The following VSIG10 variants were observed in gnomAD, a reference collection of about 807,000 sequenced individuals.
The protein encoded by VSIG10 is V-set and immunoglobulin domain-containing protein 10.
A neutral mutation model predicts 58.7 loss-of-function variants in VSIG10; 48 were observed. That is an observed-to-expected ratio of 0.82 (90% CI 0.65 to 1.04). VSIG10 has a LOEUF of 1.04. VSIG10 is among the 50% of genes least tolerant of loss of function. The pLI, the probability that VSIG10 is intolerant of heterozygous loss-of-function variation, is 0.00. For synonymous variants in VSIG10, 260 were observed against 267.1 expected (o/e 0.97, Z 0.26); for missense variants, 628 against 670.0 (o/e 0.94, Z 0.69).
chr12:118,087,801 G>A lies in VSIG10; in HGVS notation c.362-5372C>T, dbSNP rs936649860. Among the ~76,000 whole-genome samples the A allele has an allele frequency of 9.1e-5, 12 of 131,360 alleles. No homozygotes were observed. The Admixed American group carries it at 1.1e-3, about 12-fold the overall frequency. 86.2% of individuals were successfully genotyped at this position (131,360 alleles called of 152,430 possible). A position where few individuals can be genotyped will look rare whatever the true frequency, so the allele number is the denominator to read the frequency against. ...TGTAGTGAGCCGAAATCACACCACT[G>A]CACTCCAGCCTGGGTGACAGAGTGA... On this transcript the variant is annotated intron_variant, in intron 2 of 8. Coordinates refer to ENST00000359236, the MANE Select transcript of VSIG10 (RefSeq NM_019086.6).
At chr12:118,079,771 C>T (rs1182057423) in intron 3 of VSIG10, among the ~76,000 whole-genome samples, 165 bp from the exon 4 acceptor site, 1 of 152,210 alleles carries the variant, frequency 6.6e-6, no homozygotes, top group Non-Finnish European at 1.5e-5. Flanking sequence ...AACAGTCAGG[C>T]TTCCTCTGTT....
At chr12:118,067,459 C>T (rs1593486020) in intron 8 of VSIG10, among the ~76,000 whole-genome samples, 1 of 144,902 alleles carries the variant, frequency 6.9e-6, no homozygotes, top group African/African-American at 2.6e-5. Context: ...TTCCCCTAAA[C>T]TGGCCTTTTT....
rs183310740 is a variant in VSIG10, at chr12:118,069,574, C to T, written c.1347-977G>A. 3.9e-5 allele frequency among the ~76,000 whole-genome samples: 6 copies of T among 151,990 alleles called. No homozygotes were observed. In the South Asian group the frequency reaches 1.0e-3, roughly 26 times the overall value. ...CCAAGCAGCTGGGATTACAGGCATG[C>T]GCCACTACATGCGGCTAATTTTTTG... On this transcript the variant is annotated intron_variant, in intron 7 of 8. Transcript: ENST00000359236.
chr12:118,089,071 C>T (rs966410177), intron 2 of VSIG10, among the ~76,000 whole-genome samples: 16 of 151,972 alleles, frequency 1.1e-4, no homozygotes, highest in South Asian at 2.1e-4. Flanking sequence ...GTGTCAGCCT[C>T]CCACGCATCT....
At chr12:118,097,623 G>GAAAC (rs1030632988) in intron 1 of VSIG10, among the ~76,000 whole-genome samples, 5 of 150,164 alleles carry the variant, frequency 3.3e-5, no homozygotes, top group Admixed American at 1.3e-4. Context: ...TCAAAAACAA[G>GAAAC]AAACAAACAA....
rs540704008 is a variant in VSIG10 at position 118,068,552 on chromosome 12, C to A, written c.1392G>T (p.Glu464Asp). Residue 464 changes from glutamate (E) to aspartate (D), a missense_variant, in exon 8 of 9, where the codon GAG becomes GAT. Glu to Asp is a conservative substitution (Grantham distance 45). Coordinates refer to ENST00000359236, the MANE Select transcript of VSIG10 (RefSeq NM_019086.6). ...DDVMVLVDSE[E>D]EEEEEEEEEE... Reference sequence around the variant, plus strand: ...CCTCCTCCTCCTCCTCCTCCTCTTCCTCTTCTGAATCCACCAAAACCATGA... The same window carrying A: ...CCTCCTCCTCCTCCTCCTCCTCTTCATCTTCTGAATCCACCAAAACCATGA... 1 of 1,583,868 alleles carries A rather than the reference C, an allele frequency of 6.3e-7. No individual in the cohort carries two copies. The highest frequency in any genetic ancestry group is 1.4e-5 in the African/African-American group (1 of 73,288).
intron 4 of VSIG10, among the ~76,000 whole-genome samples, chr12:118,077,830 C>T (rs966133521): frequency 2.0e-5 from 3 of 152,180 alleles, no homozygotes; most frequent in African/African-American, 7.2e-5. Context: ...GTAGATCTTT[C>T]AGATGATTTC....
At position 118,103,868 on chromosome 12, in the gene VSIG10, C is replaced by T. The variant is rs73412903; in HGVS notation, c.-197G>A. 1.1e-3 allele frequency: 501 copies of T among 468,026 alleles called. 1 individual carries two copies. Among genetic ancestry groups the T allele is most frequent in the African/African-American group, 9.6e-3 (475 of 49,400 alleles). The allele number at this position is 468,026 out of a possible 1,614,324, so 29.0% of individuals were successfully genotyped here. A position where few individuals can be genotyped will look rare whatever the true frequency, so the allele number is the denominator to read the frequency against. ...GCCGGCAGCGGAGCTCGGCTGCAGGCTCGGGTCCCCGCTCCCGAGCGCCCT... is the reference window on the plus strand; with the variant it reads ...GCCGGCAGCGGAGCTCGGCTGCAGGTTCGGGTCCCCGCTCCCGAGCGCCCT... On this transcript the variant is annotated 5_prime_UTR_variant, in exon 1 of 9. Coordinates refer to ENST00000359236, the MANE Select transcript of VSIG10 (RefSeq NM_019086.6).
intron 5 of VSIG10, among the ~76,000 whole-genome samples, chr12:118,073,491 T>C (rs954893263): frequency 1.3e-5 from 2 of 152,236 alleles, no homozygotes; most frequent in African/African-American, 4.8e-5. Flanking sequence ...ATAGATATTA[T>C]GTAATTTTTG....
chr12:118,097,484 G>A (rs146640039), intron 1 of VSIG10, among the ~76,000 whole-genome samples: 3,476 of 149,902 alleles, frequency 0.023, 135 homozygotes, highest in African/African-American at 0.081. Context: ...GCGTGGTGGC[G>A]CACACCTGTA....
intron 2 of VSIG10, among the ~76,000 whole-genome samples, chr12:118,084,388 G>A (rs1334019756): frequency 1.3e-5 from 2 of 152,158 alleles, no homozygotes; most frequent in Non-Finnish European, 2.9e-5. Context: ...ACTTCAGAAT[G>A]CACCACACAG....
chr12:118,079,535 G>A lies in VSIG10; in HGVS notation c.736C>T (p.Arg246Cys), dbSNP rs1305799434. 6.8e-6 allele frequency: 11 copies of A among 1,613,998 alleles called. No homozygotes were observed. The highest frequency in any genetic ancestry group is 2.7e-5 in the African/African-American group (2 of 75,048). The change falls in exon 4 of 9, where the codon CGC (arginine) becomes TGC (cysteine). Residue 246 changes from arginine to cysteine, a missense_variant. Transcript: ENST00000359236. ...SGSFMLQLTC[R>C]WDGGYPDPDF... The stretch of plus-strand genomic sequence containing the variant: ...GGGTCAGGGTATCCCCCATCCCAGC[G>A]ACAGGTAAGCTGCAACATGAACGAT...
Position 118,067,444 on chromosome 12 carries a change from GTT to G in VSIG10, c.1568-752_1568-751del, listed in dbSNP as rs562658094. ...GTTTCCATTTCCCCTGCAGGTTTTA[GTT>G]TGTTCCCCTAAACTGGCCTTTTTTT... is the stretch of plus-strand genomic sequence containing the variant. On this transcript the variant is annotated intron_variant, in intron 8 of 8. Transcript: ENST00000359236. Among the ~76,000 whole-genome samples the G allele has an allele frequency of 1.4e-3, 203 of 147,408 alleles. 1 individual carries two copies. Among genetic ancestry groups the G allele is most frequent in the Admixed American group, 3.1e-3 (45 of 14,688 alleles).
At chr12:118,100,028 GAC>G (rs1450741441) in intron 1 of VSIG10, among the ~76,000 whole-genome samples, 1 of 152,224 alleles carries the variant, frequency 6.6e-6, no homozygotes, top group African/African-American at 2.4e-5. Context: ...GCCATCTAAT[GAC>G]AGAGATTCCA....
At chr12:118,066,726 T>C in intron 8 of VSIG10, 32 bp from the exon 9 acceptor site, 1 of 1,560,644 alleles carries the variant, frequency 6.4e-7, no homozygotes, top group Non-Finnish European at 8.7e-7. Context: ...CAATGCTTTG[T>C]AATCAGAGTG....
chr12:118,073,044 C>T (rs1298528697), intron 5 of VSIG10, among the ~76,000 whole-genome samples: 4 of 151,532 alleles, frequency 2.6e-5, no homozygotes, highest in East Asian at 3.9e-4. Flanking sequence ...GGTGTGATCT[C>T]GGCTCACTGC....
At position 118,084,237 on chromosome 12, in the gene VSIG10, AC is replaced by A. The variant is rs1592873976; in HGVS notation, c.362-1809del. Among the ~76,000 whole-genome samples the A allele has an allele frequency of 2.0e-5, 3 of 152,192 alleles. No individual in the cohort carries two copies. In the East Asian group the frequency reaches 5.8e-4, roughly 29 times the overall value. On this transcript the variant is annotated intron_variant, in intron 2 of 8. Transcript: ENST00000359236. ...GACATCAGAATTCACTTCTTTCCTT[AC>A]CCACCACAAATATAGGTTGGCCAGT...
rs1273168105 is a variant in VSIG10, at chr12:118,065,603, A to G, written c.*1036T>C. ...AGTCCCAGTTCTTAGAAATGGAGAAAGGAAGTTCCCCTTTAAGCCCTAGGT... is the reference window on the plus strand; with the variant it reads ...AGTCCCAGTTCTTAGAAATGGAGAAGGGAAGTTCCCCTTTAAGCCCTAGGT... On this transcript the variant is annotated 3_prime_UTR_variant, in exon 9 of 9. Transcript: ENST00000359236. 1 of 152,216 alleles carries G rather than the reference A, an allele frequency of 6.6e-6. No individual in the cohort carries two copies. The highest frequency in any genetic ancestry group is 2.4e-5 in the African/African-American group (1 of 41,448). 9.4% of individuals were successfully genotyped at this position (152,216 alleles called of 1,614,324 possible). A position where few individuals can be genotyped will look rare whatever the true frequency, so the allele number is the denominator to read the frequency against.
chr12:118,067,624 C>G (rs1357177305), intron 8 of VSIG10, among the ~76,000 whole-genome samples: 1 of 149,254 alleles, frequency 6.7e-6, no homozygotes, highest in Non-Finnish European at 1.5e-5. Context: ...CCACACCCAG[C>G]TGATTTTTGT....
Sources: allele counts gnomAD v4.1 joint callset (sites outside exome capture counted in the v4.1 genomes callset), GRCh38; gene constraint gnomAD v4.1.1; transcripts MANE v1.5; gene names NCBI Gene and HGNC (gene_info 2026-07-23, HGNC 2026-07-21).